CENPP: variants seen among roughly 807,000 people sequenced by gnomAD.
The protein encoded by CENPP is centromere protein P.
In CENPP, 24 loss-of-function variants were observed where a neutral mutation model predicts 35.6. That is an observed-to-expected ratio of 0.67 (90% CI 0.49 to 0.95). CENPP has a LOEUF of 0.95. CENPP is among the 40% of genes least tolerant of loss of function. The pLI, the probability that CENPP is intolerant of heterozygous loss-of-function variation, is 0.00. For missense variants in CENPP, 332 were observed against 345.3 expected, an observed-to-expected ratio of 0.96 and a Z score of 0.31; for synonymous variants, 120 against 125.5, an observed-to-expected ratio of 0.96 and a Z score of 0.29.
At chr9:92,412,086 A>T (rs117800660) in intron 5 of CENPP, among the ~76,000 whole-genome samples, 6,805 of 151,846 alleles carry the variant, frequency 0.045, 191 homozygotes, top group East Asian at 0.093. Flanking sequence ...TTAATTAATT[A>T]ATTAATTTAT....
chr9:92,571,894 G>A (rs1301193388), intron 5 of CENPP, among the ~76,000 whole-genome samples: 3 of 148,604 alleles, frequency 2.0e-5, no homozygotes, highest in Non-Finnish European at 4.4e-5. Context: ...CAGCAACTAG[G>A]ATTGCAACTC....
chr9:92,394,055 G>A (rs1842794164), intron 5 of CENPP, among the ~76,000 whole-genome samples: 1 of 152,052 alleles, frequency 6.6e-6, no homozygotes, highest in Non-Finnish European at 1.5e-5. Flanking sequence ...TAAATGTCTG[G>A]TGTGACATTG....
At chr9:92,445,842 A>G (rs1442023334) in intron 5 of CENPP, among the ~76,000 whole-genome samples, 1 of 151,822 alleles carries the variant, frequency 6.6e-6, no homozygotes, top group Non-Finnish European at 1.5e-5. Context: ...GAGTTACACC[A>G]CTGCACTCCA....
chr9:92,485,035 G>A (rs575887971), intron 5 of CENPP, among the ~76,000 whole-genome samples: 3 of 152,320 alleles, frequency 2.0e-5, no homozygotes, highest in Admixed American at 2.0e-4. Context: ...AAAGGTGCAG[G>A]CCTCAGGCAC....
chr9:92,446,541 G>A (rs1844555505), intron 5 of CENPP, among the ~76,000 whole-genome samples: 1 of 152,176 alleles, frequency 6.6e-6, no homozygotes, highest in South Asian at 2.1e-4. Context: ...GGTAAAGTGA[G>A]CTACTGGAGT....
intron 5 of CENPP, among the ~76,000 whole-genome samples, chr9:92,406,014 A>G (rs1265974122): frequency 6.6e-6 from 1 of 152,166 alleles, no homozygotes; most frequent in African/African-American, 2.4e-5. Context: ...GGCTTGCTAC[A>G]CAGAAATATG....
chr9:92,389,139 T>TTA (rs1314199967), intron 5 of CENPP, among the ~76,000 whole-genome samples: 4 of 152,172 alleles, frequency 2.6e-5, no homozygotes, highest in Non-Finnish European at 5.9e-5. Context: ...TTGAATGAGA[T>TTA]TATGTCTGTT....
In CENPP at chr9:92,390,447, T is replaced by C. The variant is rs116905925; in HGVS notation, c.564+10588T>C. On this transcript the variant is annotated intron_variant, in intron 5 of 7. Transcript: ENST00000375587. The stretch of plus-strand genomic sequence containing the variant: ...TTATTTTTTTGCTGGCATGTTGCGT[T>C]GTGATTCTGAGTATGTTATCTTAAT... Among the ~76,000 whole-genome samples, 106 of 152,332 alleles carry C rather than the reference T, an allele frequency of 7.0e-4. No homozygotes were observed. In the East Asian group the frequency reaches 0.019, roughly 27 times the overall value.
chr9:92,326,361 A>G (rs556231006), intron 1 of CENPP, among the ~76,000 whole-genome samples: 10 of 152,336 alleles, frequency 6.6e-5, no homozygotes, highest in African/African-American at 2.4e-4. Context: ...AGTCTTGACT[A>G]TATCCCTAGC....
At chr9:92,508,489 A>G (rs1847143894) in intron 5 of CENPP, among the ~76,000 whole-genome samples, 1 of 152,236 alleles carries the variant, frequency 6.6e-6, no homozygotes, top group African/African-American at 2.4e-5. Flanking sequence ...TGCATGTTTT[A>G]TAACATCTCA....
intron 2 of CENPP, among the ~76,000 whole-genome samples, chr9:92,336,197 C>T (rs1350087868): frequency 3.9e-5 from 6 of 152,196 alleles, no homozygotes; most frequent in Admixed American, 1.3e-4. Flanking sequence ...TGATGACATT[C>T]CTGTGCAATT....
chr9:92,584,703 T>A (rs1451921471), intron 5 of CENPP, among the ~76,000 whole-genome samples: 1 of 152,238 alleles, frequency 6.6e-6, no homozygotes, highest in Admixed American at 6.5e-5. Flanking sequence ...GTTGCTTCTG[T>A]CTTGGGCCAA....
intron 5 of CENPP, among the ~76,000 whole-genome samples, chr9:92,419,959 TTTC>T (rs149991423): frequency 2.0e-5 from 3 of 152,310 alleles, no homozygotes; most frequent in East Asian, 1.9e-4. Context: ...AACATCTCAA[TTTC>T]TTCTTCTTTT....
intron 5 of CENPP, among the ~76,000 whole-genome samples, chr9:92,532,000 CTTTTTT>C (rs1226576313): frequency 1.1e-5 from 1 of 92,474 alleles, no homozygotes; most frequent in South Asian, 2.9e-4. Context: ...TTTTCTTTTT[CTTTTTT>C]TATTTAATGT....
chr9:92,458,721 A>G (rs1239250711), intron 5 of CENPP, among the ~76,000 whole-genome samples: 1 of 152,236 alleles, frequency 6.6e-6, no homozygotes, highest in Non-Finnish European at 1.5e-5. Context: ...CAGAAATGAC[A>G]TCAGGGATGG....
At chr9:92,596,500 G>T (rs1180026918) in intron 5 of CENPP, among the ~76,000 whole-genome samples, 1 of 149,944 alleles carries the variant, frequency 6.7e-6, no homozygotes, top group African/African-American at 2.5e-5. Context: ...TGGGAAGAAG[G>T]CAGCAATACA....
chr9:92,433,089 A>G (rs560366895), intron 5 of CENPP, among the ~76,000 whole-genome samples: 6 of 152,304 alleles, frequency 3.9e-5, no homozygotes, highest in African/African-American at 1.4e-4. Flanking sequence ...CTATAACAGA[A>G]TACCACGCAA....
At chr9:92,561,914 A>G (rs1227898757) in intron 5 of CENPP, among the ~76,000 whole-genome samples, 2 of 152,228 alleles carry the variant, frequency 1.3e-5, no homozygotes, top group Non-Finnish European at 2.9e-5. Flanking sequence ...GTGTGCTATT[A>G]TCCTCCAGTT....
At chr9:92,456,660 C>G (rs1421389835) in intron 5 of CENPP, 1 of 151,838 alleles carries the variant, frequency 6.6e-6, no homozygotes, top group Non-Finnish European at 1.5e-5. Context: ...CCCAAACCAG[C>G]TCTTATGAGT....
Sources: allele counts gnomAD v4.1 joint callset (sites outside exome capture counted in the v4.1 genomes callset), GRCh38; gene constraint gnomAD v4.1.1; transcripts MANE v1.5; gene names NCBI Gene and HGNC (gene_info 2026-07-23, HGNC 2026-07-21).